Variants in USP33 observed in about 807,000 individuals in gnomAD.
USP33 encodes the protein ubiquitin specific peptidase 33.
A neutral mutation model predicts 124.2 loss-of-function variants in USP33; 46 were observed. That is an observed-to-expected ratio of 0.37 (90% CI 0.29 to 0.47). USP33 has a LOEUF of 0.47. Ranked by LOEUF, USP33 falls within the 20% of genes least tolerant of loss-of-function variation. USP33 has a pLI of 0.99. For missense variants in USP33, 851 were observed against 1,070.6 expected, an observed-to-expected ratio of 0.79 and a Z score of 2.86; for synonymous variants, 350 against 352.3, an observed-to-expected ratio of 0.99 and a Z score of 0.07.
rs948624514 is a variant in USP33 at position 77,751,484 on chromosome 1, C to G, written c.-52+8159G>C. ...CCTGGGCAACACGGCAATACCCTGTCTCTACCCCAAAAAAATACAAAAATT... is the reference window on the plus strand; with the variant it reads ...CCTGGGCAACACGGCAATACCCTGTGTCTACCCCAAAAAAATACAAAAATT... On this transcript the variant is annotated intron_variant, in intron 1 of 23. Transcript: ENST00000370794. Among the ~76,000 whole-genome samples the G allele has an allele frequency of 2.0e-5, 3 of 152,142 alleles. No homozygotes were observed. In the East Asian group the frequency reaches 5.8e-4, roughly 30 times the overall value.
chr1:77,715,143 T>C (rs1414382126), intron 18 of USP33, among the ~76,000 whole-genome samples: 2 of 152,172 alleles, frequency 1.3e-5, no homozygotes, highest in Admixed American at 6.5e-5. Flanking sequence ...ATTAGCTACT[T>C]TGGGAGAAAA....
intron 15 of USP33, among the ~76,000 whole-genome samples, chr1:77,720,154 A>C: frequency 9.5e-6 from 1 of 104,844 alleles, no homozygotes; most frequent in Non-Finnish European, 1.7e-5. Context: ...GAATGAGACT[A>C]TGTCTCAAAT....
intron 21 of USP33, among the ~76,000 whole-genome samples, chr1:77,706,321 T>C (rs1674624008): frequency 6.6e-6 from 1 of 152,232 alleles, no homozygotes; most frequent in Admixed American, 6.5e-5. Context: ...TTTATGTGCT[T>C]ATTAGACCTA....
intron 21 of USP33, among the ~76,000 whole-genome samples, chr1:77,703,336 C>T (rs917794779): frequency 2.6e-5 from 4 of 152,158 alleles, no homozygotes; most frequent in Non-Finnish European, 5.9e-5. Context: ...CTGTTTAAAA[C>T]TCCAACCTGG....
At position 77,730,710 on chromosome 1, in the gene USP33, A is replaced by C; in HGVS notation, c.546T>G (p.Phe182Leu). The C allele has an allele frequency of 6.3e-7, 1 of 1,580,670 alleles. No homozygotes were observed. The highest frequency in any genetic ancestry group is 8.6e-7 in the Non-Finnish European group (1 of 1,163,028). Residue 182 changes from phenylalanine to leucine, a missense_variant, in exon 8 of 24, where the codon TTT becomes TTG. This residue lies in a region of USP33 where 221 missense variants were observed against 302.9 expected (regional missense o/e 0.73). Transcript: ENST00000370794. ...LSNCPPLTQF[F>L]LDCGGLARTD... ...TTCGAGCTAGTCCTCCACAATCAAG[A>C]AAAAACTGTGTCAAAGGTGGGCTAA...
chr1:77,717,347 G>A (rs1015595006), intron 17 of USP33, among the ~76,000 whole-genome samples: 1 of 151,984 alleles, frequency 6.6e-6, no homozygotes, highest in Admixed American at 6.6e-5. Context: ...AAAATTAGCT[G>A]GGCGTGGTGG....
At chr1:77,736,577 A>C (rs1317217144) in intron 5 of USP33, among the ~76,000 whole-genome samples, 1 of 152,102 alleles carries the variant, frequency 6.6e-6, no homozygotes, top group Non-Finnish European at 1.5e-5. Flanking sequence ...AGACTTCTAC[A>C]ATCTCTCCTG....
chr1:77,711,508 C>G (rs1363223831), intron 21 of USP33: 43 of 458,636 alleles, frequency 9.4e-5, no homozygotes, highest in Non-Finnish European at 1.4e-4. Flanking sequence ...GCCTGGGCGA[C>G]AGAGCAAGAT....
chr1:77,718,509 C>A, intron 16 of USP33, 87 bp downstream of exon 16: 2 of 1,086,072 alleles, frequency 1.8e-6, no homozygotes, highest in Non-Finnish European at 2.8e-6. Context: ...TTCAACCAAG[C>A]AAAGAGAATT....
intron 11 of USP33, among the ~76,000 whole-genome samples, chr1:77,724,460 T>C (rs991813591): frequency 1.3e-5 from 2 of 152,160 alleles, no homozygotes; most frequent in African/African-American, 2.4e-5. Flanking sequence ...CCCAAGGCCA[T>C]GAAGACTTTC....
rs759636556 is a variant in USP33, at chr1:77,718,589, C to T, written c.1737+7G>A. The T allele has an allele frequency of 6.3e-7, 1 of 1,594,616 alleles. No individual in the cohort carries two copies. Among genetic ancestry groups the T allele is most frequent in the South Asian group, 1.1e-5 (1 of 89,634 alleles). The stretch of plus-strand genomic sequence containing the variant: ...CAATATAAGTTGAATTAAAATAATG[C>T]CCATACCTCAGGAAAGTTTTGTACT... On this transcript the variant is annotated splice_region_variant and intron_variant, in intron 16 of 23. Coordinates refer to ENST00000370794, the MANE Select transcript of USP33 (RefSeq NM_201624.3).
chr1:77,741,232 ATTT>A, intron 3 of USP33, 141 bp downstream of exon 3: 1 of 787,558 alleles, frequency 1.3e-6, no homozygotes, highest in South Asian at 2.3e-5. Flanking sequence ...CCAAAGTTTA[ATTT>A]TTGTTATTAA....
At chr1:77,700,229 G>A (rs1332192108) in intron 22 of USP33, among the ~76,000 whole-genome samples, 3 of 152,156 alleles carry the variant, frequency 2.0e-5, no homozygotes, top group African/African-American at 4.8e-5. Flanking sequence ...TTTTAAAGGT[G>A]TAGAAAAGCC....
At chr1:77,717,269 C>T (rs1407822573) in intron 17 of USP33, among the ~76,000 whole-genome samples, 1 of 152,086 alleles carries the variant, frequency 6.6e-6, no homozygotes, top group African/African-American at 2.4e-5. Context: ...GCGGGCAGAT[C>T]ACGAGGTCAG....
intron 1 of USP33, 198 bp downstream of exon 1, chr1:77,759,445 G>C: frequency 2.5e-6 from 1 of 395,876 alleles, no homozygotes; most frequent in African/African-American, 2.1e-5. Flanking sequence ...GCGACCACTA[G>C]ATTATCTCTG....
intron 1 of USP33, among the ~76,000 whole-genome samples, chr1:77,756,985 G>A (rs1201426548): frequency 6.6e-6 from 1 of 152,196 alleles, no homozygotes; most frequent in Non-Finnish European, 1.5e-5. Flanking sequence ...TTCATAATTT[G>A]TCTTCTTTAT....
chr1:77,713,328 CCT>C, intron 19 of USP33, 47 bp from the exon 20 acceptor site: 3 of 1,479,576 alleles, frequency 2.0e-6, no homozygotes, highest in Non-Finnish European at 2.7e-6. Flanking sequence ...TAATTATATT[CCT>C]TTCAAACATT....
intron 21 of USP33, among the ~76,000 whole-genome samples, chr1:77,711,278 AGT>A (rs1442278078): frequency 1.3e-5 from 2 of 152,130 alleles, no homozygotes; most frequent in Non-Finnish European, 2.9e-5. Context: ...CTATAATCCC[AGT>A]ACTTTGTGGG....
chr1:77,750,624 A>AAAAG (rs532432531), intron 1 of USP33, among the ~76,000 whole-genome samples: 12,075 of 123,124 alleles, frequency 0.098, 723 homozygotes, highest in East Asian at 0.17. Context: ...CCTGACTTAA[A>AAAAG]AAAGAAAGAA....
Sources: allele counts gnomAD v4.1 joint callset (sites outside exome capture counted in the v4.1 genomes callset), GRCh38; gene constraint gnomAD v4.1.1; regional missense constraint gnomAD v4.1.1; transcripts MANE v1.5; gene names NCBI Gene and HGNC (gene_info 2026-07-23, HGNC 2026-07-21).